The following PCDH9 variants were observed in gnomAD, a reference collection of about 807,000 sequenced individuals.
The protein encoded by PCDH9 is protocadherin 9, also known as protocadherin-9.
A neutral mutation model predicts 70.6 loss-of-function variants in PCDH9; 24 were observed. That is an observed-to-expected ratio of 0.34 (90% CI 0.25 to 0.48). The LOEUF (loss-of-function observed/expected upper bound fraction) is 0.48. Ranked by LOEUF, PCDH9 falls within the 20% of genes least tolerant of loss-of-function variation. The pLI is 0.99. For synonymous variants in PCDH9, 562 were observed against 558.5 expected (o/e 1.01, Z -0.09); for missense variants, 1,281 against 1,503.6 (o/e 0.85, Z 2.45).
intron 4 of PCDH9, among the ~76,000 whole-genome samples, chr13:66,592,685 T>C (rs1356173332): frequency 6.6e-6 from 1 of 151,746 alleles, no homozygotes; most frequent in Non-Finnish European, 1.5e-5. Flanking sequence ...ATTTTATCTA[T>C]GTTGTCTATT....
intron 4 of PCDH9, among the ~76,000 whole-genome samples, chr13:66,369,259 A>G (rs1417513235): frequency 6.6e-6 from 1 of 152,126 alleles, no homozygotes; most frequent in Admixed American, 6.6e-5. Flanking sequence ...AAACTTGTGC[A>G]CTATACTTGC....
chr13:67,030,871 T>C (rs1248687616), intron 2 of PCDH9, among the ~76,000 whole-genome samples: 1 of 152,198 alleles, frequency 6.6e-6, no homozygotes, highest in Non-Finnish European at 1.5e-5. Flanking sequence ...CCCAAACTCC[T>C]AAAGTCAGTT....
chr13:67,213,228 A>G (rs1243750279), intron 2 of PCDH9: 3 of 110,646 alleles, frequency 2.7e-5, no homozygotes, highest in African/African-American at 6.1e-5. Flanking sequence ...AAAAAAAAAA[A>G]AAAAAAAAAA....
chr13:66,793,620 G>T (rs1418950372), intron 3 of PCDH9, among the ~76,000 whole-genome samples: 1 of 151,932 alleles, frequency 6.6e-6, no homozygotes, highest in Non-Finnish European at 1.5e-5. Context: ...TGGTTTATTG[G>T]TCCATCACCT....
chr13:66,493,351 G>T (rs577469060), intron 4 of PCDH9, among the ~76,000 whole-genome samples: 7 of 152,184 alleles, frequency 4.6e-5, no homozygotes, highest in African/African-American at 1.2e-4. Context: ...ACTGCAGATT[G>T]TTCGCAAGGT....
At chr13:66,927,898 C>T (rs1350919861) in intron 2 of PCDH9, among the ~76,000 whole-genome samples, 1 of 152,084 alleles carries the variant, frequency 6.6e-6, no homozygotes, top group Non-Finnish European at 1.5e-5. Flanking sequence ...CTGCCCATAA[C>T]ACCTACTGAA....
chr13:66,708,403 G>GTT (rs36087870), intron 3 of PCDH9, among the ~76,000 whole-genome samples: 41,300 of 136,840 alleles, frequency 0.3, 7,127 homozygotes, highest in South Asian at 0.41. Flanking sequence ...TTGAGATTTA[G>GTT]TTTTTTTTTT....
At chr13:66,821,604 G>T (rs1271194631) in intron 3 of PCDH9, among the ~76,000 whole-genome samples, 1 of 152,138 alleles carries the variant, frequency 6.6e-6, no homozygotes, top group Non-Finnish European at 1.5e-5. Flanking sequence ...AATAAATTTG[G>T]AGTGGTAAAT....
chr13:66,733,456 A>G (rs150316722), intron 3 of PCDH9, among the ~76,000 whole-genome samples: 1 of 152,280 alleles, frequency 6.6e-6, no homozygotes, highest in Admixed American at 6.5e-5. Flanking sequence ...AAAAACACAC[A>G]AAGTACAAAC....
chr13:66,383,006 C>A (rs952960384), intron 4 of PCDH9, among the ~76,000 whole-genome samples: 3 of 146,274 alleles, frequency 2.1e-5, no homozygotes, highest in Non-Finnish European at 3.0e-5. Context: ...CCAGCCTGAG[C>A]AATAGAGCGA....
At chr13:66,451,613 T>C (rs761311312) in intron 4 of PCDH9, among the ~76,000 whole-genome samples, 3 of 152,176 alleles carry the variant, frequency 2.0e-5, no homozygotes, top group Non-Finnish European at 4.4e-5. Context: ...CACTAGCACA[T>C]CCAAAAATTG....
intron 3 of PCDH9, among the ~76,000 whole-genome samples, chr13:66,776,183 T>G (rs6562475): frequency 0.95 from 144,412 of 151,424 alleles, 69,249 homozygotes; most frequent in East Asian, 1. Context: ...TACTGAATGG[T>G]CAAAAACTGG....
chr13:66,937,881 T>A (rs1422934232), intron 2 of PCDH9, among the ~76,000 whole-genome samples: 1 of 152,100 alleles, frequency 6.6e-6, no homozygotes, highest in African/African-American at 2.4e-5. Flanking sequence ...TCTCTGTGAA[T>A]CTGCTGTCAT....
chr13:67,140,849 G>T (rs1291405742), intron 2 of PCDH9, among the ~76,000 whole-genome samples: 1 of 152,174 alleles, frequency 6.6e-6, no homozygotes, highest in Non-Finnish European at 1.5e-5. Context: ...AAAGTTTAAA[G>T]TCAATTATAA....
At chr13:66,343,414 C>A (rs756213203) in intron 4 of PCDH9, among the ~76,000 whole-genome samples, 98 of 152,150 alleles carry the variant, frequency 6.4e-4, no homozygotes, top group Non-Finnish European at 1.2e-3. Flanking sequence ...TTCAAACTGT[C>A]GTCCGACTTT....
chr13:67,089,509 T>G (rs1372144780), intron 2 of PCDH9, among the ~76,000 whole-genome samples: 1 of 151,940 alleles, frequency 6.6e-6, no homozygotes, highest in Admixed American at 6.6e-5. Context: ...TATATTGCAT[T>G]AGGCCATGAA....
At chr13:67,191,849 C>T (rs538716113) in intron 2 of PCDH9, among the ~76,000 whole-genome samples, 3 of 152,066 alleles carry the variant, frequency 2.0e-5, no homozygotes, top group African/African-American at 7.2e-5. Context: ...TGAACTAACT[C>T]AAAGATGAAG....
intron 4 of PCDH9, among the ~76,000 whole-genome samples, chr13:66,468,398 CCA>C (rs1958555891): frequency 2.6e-5 from 4 of 152,054 alleles, no homozygotes. Context: ...AACACTGAAC[CCA>C]GAGTGAAACT....
intron 2 of PCDH9, among the ~76,000 whole-genome samples, chr13:67,004,521 C>T (rs532061937): frequency 7.0e-6 from 1 of 143,050 alleles, no homozygotes; most frequent in East Asian, 2.1e-4. Context: ...TGTGCCATTG[C>T]ACTCCAGCCT....
Sources: allele counts gnomAD v4.1 joint callset (sites outside exome capture counted in the v4.1 genomes callset), GRCh38; gene constraint gnomAD v4.1.1; transcripts MANE v1.5; gene names NCBI Gene and HGNC (gene_info 2026-07-23, HGNC 2026-07-21).